AADACL2: variants seen among roughly 807,000 people sequenced by gnomAD.
AADACL2 encodes the protein arylacetamide deacetylase like 2, also known as arylacetamide deacetylase-like 2.
In AADACL2, 23 loss-of-function variants were observed where a neutral mutation model predicts 22.3. The ratio of observed to expected loss-of-function variants is 1.03; its 90% CI spans 0.74 to 1.46. The LOEUF (loss-of-function observed/expected upper bound fraction) is 1.46. Ranked by LOEUF, AADACL2 falls within the 40% of genes most tolerant of loss-of-function variation. The pLI is 0.00. For missense variants in AADACL2, 472 were observed against 482.9 expected (o/e 0.98, Z 0.21); for synonymous variants, 177 against 166.2 (o/e 1.07, Z -0.50).
chr3:151,738,958 A>G (rs1713186889), intron 1 of AADACL2, among the ~76,000 whole-genome samples: 1 of 152,110 alleles, frequency 6.6e-6, no homozygotes, highest in Non-Finnish European at 1.5e-5. Flanking sequence ...TTTAGCTCAG[A>G]GGAGCTTGTT....
intron 2 of AADACL2, among the ~76,000 whole-genome samples, chr3:151,741,501 C>T (rs970821490): frequency 1.3e-5 from 2 of 152,072 alleles, no homozygotes; most frequent in Non-Finnish European, 2.9e-5. Flanking sequence ...CTGATGATCT[C>T]TAGAGGGATT....
At chr3:151,749,571 C>G (rs1398315404) in intron 4 of AADACL2, among the ~76,000 whole-genome samples, 1 of 152,116 alleles carries the variant, frequency 6.6e-6, no homozygotes, top group East Asian at 1.9e-4. Context: ...CACGCTCTGC[C>G]TCCCGGGTTC....
intron 2 of AADACL2, 123 bp from the exon 3 acceptor site, chr3:151,743,970 G>A: frequency 2.1e-6 from 2 of 939,724 alleles, no homozygotes; most frequent in South Asian, 1.7e-5. Context: ...CTTGGAAATG[G>A]GGGGTGGAAA....
chr3:151,738,088 G>A (rs1366537370), intron 1 of AADACL2, among the ~76,000 whole-genome samples: 2 of 152,052 alleles, frequency 1.3e-5, no homozygotes, highest in African/African-American at 4.8e-5. Flanking sequence ...TCAGTGGCTG[G>A]TACCAGTTTT....
intron 2 of AADACL2, among the ~76,000 whole-genome samples, chr3:151,741,404 T>A (rs1406250906): frequency 6.6e-6 from 1 of 152,172 alleles, no homozygotes; most frequent in Non-Finnish European, 1.5e-5. Flanking sequence ...TCCCTACTTG[T>A]CTTTTTAGGC....
rs1714057042 is a variant in AADACL2, at chr3:151,759,004, T to A, written c.*1410T>A. 6.6e-6 allele frequency: 1 copy of A among 152,078 alleles called. No homozygotes were observed. The highest frequency in any genetic ancestry group is 2.1e-4 in the South Asian group (1 of 4,828). The allele number at this position is 152,078 out of a possible 1,614,324, so 9.4% of individuals were successfully genotyped here. ...TTTTTTAATGTAGAGAGAAATTAATTATGTTCAAAGAGCCCTTTTTCTTTC... is the reference window on the plus strand; with the variant it reads ...TTTTTTAATGTAGAGAGAAATTAATAATGTTCAAAGAGCCCTTTTTCTTTC... On this transcript the variant is annotated 3_prime_UTR_variant, in exon 5 of 5. Coordinates refer to ENST00000356517, the MANE Select transcript of AADACL2 (RefSeq NM_207365.4).
At position 151,757,990 on chromosome 3, in the gene AADACL2, T is replaced by C. The variant is rs73164692; in HGVS notation, c.*396T>C. ...GCTGCTAAAAATATATGGAAACCAC[T>C]GGACTAAATAAACCCTAAGGACCCT... On this transcript the variant is annotated 3_prime_UTR_variant, in exon 5 of 5. Transcript: ENST00000356517. 0.091 allele frequency: 14,811 copies of C among 163,580 alleles called. 782 individuals are homozygous for C. Among genetic ancestry groups the C allele is most frequent in the African/African-American group, 0.14 (5,886 of 41,550 alleles). 10.1% of individuals were successfully genotyped at this position (163,580 alleles called of 1,614,324 possible).
At chr3:151,748,717 A>G (rs1448371413) in intron 4 of AADACL2, among the ~76,000 whole-genome samples, 1 of 152,154 alleles carries the variant, frequency 6.6e-6, no homozygotes, top group Non-Finnish European at 1.5e-5. Context: ...GTTCTCTTTC[A>G]TGAGTTAAAG....
rs1458693394 is a variant in AADACL2, at chr3:151,760,231, C to T, written c.*2637C>T. On this transcript the variant is annotated 3_prime_UTR_variant, in exon 5 of 5. Coordinates refer to ENST00000356517, the MANE Select transcript of AADACL2 (RefSeq NM_207365.4). ...AGTATAGGGGAAGACTTGATTACAC[C>T]CCATGGCATTACAGCTAAAAATTCC... 4 of 151,968 alleles carry T rather than the reference C, an allele frequency of 2.6e-5. No individual in the cohort carries two copies. The highest frequency in any genetic ancestry group is 2.6e-4 in the Admixed American group (4 of 15,236). The allele number at this position is 151,968 out of a possible 1,614,324, so 9.4% of individuals were successfully genotyped here. A position where few individuals can be genotyped will look rare whatever the true frequency, so the allele number is the denominator to read the frequency against.
chr3:151,755,377 T>C (rs1018516335), intron 4 of AADACL2, among the ~76,000 whole-genome samples: 1 of 152,096 alleles, frequency 6.6e-6, no homozygotes, highest in African/African-American at 2.4e-5. Flanking sequence ...AAAGAGGTAA[T>C]AGAGATTTGG....
At chr3:151,746,244 G>T (rs561729603) in intron 4 of AADACL2, among the ~76,000 whole-genome samples, 1 of 151,550 alleles carries the variant, frequency 6.6e-6, no homozygotes, top group Non-Finnish European at 1.5e-5. Context: ...GAACATATTG[G>T]AATTTGTAAT....
In AADACL2 at chr3:151,760,496, C is replaced by T. The variant is rs1362471991; in HGVS notation, c.*2902C>T. On this transcript the variant is annotated 3_prime_UTR_variant, in exon 5 of 5. Coordinates refer to ENST00000356517, the MANE Select transcript of AADACL2 (RefSeq NM_207365.4). The stretch of plus-strand genomic sequence containing the variant: ...GAAAGTATACAGAAGAAATTCTTGA[C>T]TTCATCTATCCGAATTTCTACAAGT... The T allele has an allele frequency of 1.3e-5, 2 of 152,326 alleles. No homozygotes were observed. Among genetic ancestry groups the T allele is most frequent in the Admixed American group, 1.3e-4 (2 of 15,272 alleles). 9.4% of individuals were successfully genotyped at this position (152,326 alleles called of 1,614,324 possible).
At chr3:151,756,960 T>C (rs1441505127) in intron 4 of AADACL2, 32 bp from the exon 5 acceptor site, 1 of 1,529,904 alleles carries the variant, frequency 6.5e-7, no homozygotes, top group Non-Finnish European at 8.7e-7. Context: ...TTGGAAATGT[T>C]TGCATTACAG....
At position 151,758,710 on chromosome 3, in the gene AADACL2, C is replaced by G. The variant is rs1714046341; in HGVS notation, c.*1116C>G. 1 of 151,924 alleles carries G rather than the reference C, an allele frequency of 6.6e-6. No individual in the cohort carries two copies. Among genetic ancestry groups the G allele is most frequent in the South Asian group, 2.1e-4 (1 of 4,832 alleles). 9.4% of individuals were successfully genotyped at this position (151,924 alleles called of 1,614,324 possible). A position where few individuals can be genotyped will look rare whatever the true frequency, so the allele number is the denominator to read the frequency against. On this transcript the variant is annotated 3_prime_UTR_variant, in exon 5 of 5. Transcript: ENST00000356517. ...GTTGAGTGGAATCATAAACAAAAAA[C>G]TGAAAATTTATTGCTATGAAAACAG...
At chr3:151,756,579 C>T (rs1465952559) in intron 4 of AADACL2, among the ~76,000 whole-genome samples, 1 of 151,528 alleles carries the variant, frequency 6.6e-6, no homozygotes, top group Non-Finnish European at 1.5e-5. Context: ...TTATTTCTTC[C>T]ACTCACTCTG....
Position 151,739,829 on chromosome 3 carries a change from TC to T in AADACL2, c.139-816del, listed in dbSNP as rs555007144. ...GCACTGTCAGGGGAAAACCACCTAC[TC>T]AAGCCTCAGTAATGATAGACCCCTC... On this transcript the variant is annotated intron_variant, in intron 1 of 4. Transcript: ENST00000356517. Among the ~76,000 whole-genome samples, 30 of 152,220 alleles carry T rather than the reference TC, an allele frequency of 2.0e-4. No homozygotes were observed. In the South Asian group the frequency reaches 3.7e-3, roughly 19 times the overall value.
At chr3:151,744,038 T>C in intron 2 of AADACL2, 55 bp from the exon 3 acceptor site, 1 of 1,556,742 alleles carries the variant, frequency 6.4e-7, no homozygotes, top group Admixed American at 1.7e-5. Flanking sequence ...TCTGTAACTG[T>C]TTCTATAGCT....
intron 3 of AADACL2, 58 bp from the exon 4 acceptor site, chr3:151,745,451 A>G: frequency 1.3e-6 from 2 of 1,527,420 alleles, no homozygotes; most frequent in Non-Finnish European, 1.8e-6. Context: ...TCTATTTGGT[A>G]TTTGAGAATT....
intron 1 of AADACL2, among the ~76,000 whole-genome samples, chr3:151,735,444 T>G (rs1400098352): frequency 6.6e-6 from 1 of 152,132 alleles, no homozygotes; most frequent in African/African-American, 2.4e-5. Context: ...CAACTTAGAG[T>G]TTCTGCATAC....
Sources: gnomAD v4.1 joint callset for allele counts (sites outside exome capture counted in the v4.1 genomes callset) on GRCh38, gnomAD v4.1.1 for gene constraint, MANE v1.5 for transcripts, NCBI Gene and HGNC (gene_info 2026-07-23, HGNC 2026-07-21) for gene names.